STXBP5: variants seen among roughly 807,000 people sequenced by gnomAD.
STXBP5 encodes syntaxin binding protein 5.
In STXBP5, 50 loss-of-function variants were observed where a neutral mutation model predicts 152.4. That is an observed-to-expected ratio of 0.33 (90% CI 0.26 to 0.42). STXBP5 has a LOEUF of 0.42. Among genes scored for constraint, STXBP5 ranks in the 10% least tolerant of loss-of-function variants. The pLI, the probability that STXBP5 is intolerant of heterozygous loss-of-function variation, is 1.00. For synonymous variants in STXBP5, 492 were observed against 494.7 expected (o/e 0.99, Z 0.07); for missense variants, 1,167 against 1,388.6 (o/e 0.84, Z 2.54).
chr6:147,372,406 CCTTTTTTTTTTTTTTTTTTTTTTTTTT>C lies in STXBP5; in HGVS notation c.3082-1324_3082-1298del, dbSNP rs1785591926. On this transcript the variant is annotated intron_variant, in intron 25 of 27. Transcript: ENST00000321680. Reference sequence around the variant, plus strand: ...ATATAAATGTTACTACCGTCCTTTTCCTTTTTTTTTTTTTTTTTTTTTTTTTTTTTTTTTTTTTTTTTTTTTTTTTTT... The same window carrying C: ...ATATAAATGTTACTACCGTCCTTTTCTTTTTTTTTTTTTTTTTTTTTTTTT... Among the ~76,000 whole-genome samples, 351 of 39,098 alleles carry C rather than the reference CCTTTTTTTTTTTTTTTTTTTTTTTTTT, an allele frequency of 9.0e-3. 25 individuals carry two copies. Among genetic ancestry groups the C allele is most frequent in the Middle Eastern group, 0.068 (5 of 74 alleles). The allele number at this position is 39,098 out of a possible 152,430, so 25.6% of individuals were successfully genotyped here. A position where few individuals can be genotyped will look rare whatever the true frequency, so the allele number is the denominator to read the frequency against.
Position 147,364,065 on chromosome 6 carries a change from A to AACAATG in STXBP5, c.2980_2981insACAATG (p.Arg994delinsAsnAsnGly). The AACAATG allele has an allele frequency of 6.2e-7, 1 of 1,614,064 alleles. No homozygotes were observed. The highest frequency in any genetic ancestry group is 1.3e-5 in the African/African-American group (1 of 75,050). On this transcript the variant is annotated protein_altering_variant, in exon 25 of 28. Coordinates refer to ENST00000321680, the MANE Select transcript of STXBP5 (RefSeq NM_001127715.4). ...GCCCCTTACCAATATGCGGATAGCC[A>AACAATG]GAACGTTCTGCTTTACCAACAATGG...
At chr6:147,318,336 G>A (rs1473222672) in intron 16 of STXBP5, among the ~76,000 whole-genome samples, 1 of 151,974 alleles carries the variant, frequency 6.6e-6, no homozygotes, top group African/African-American at 2.4e-5. Context: ...TTCTTAGAAA[G>A]GCCTTTTTTT....
At chr6:147,258,140 T>A (rs1779465581) in intron 4 of STXBP5, among the ~76,000 whole-genome samples, 2 of 152,170 alleles carry the variant, frequency 1.3e-5, no homozygotes, top group Admixed American at 1.3e-4. Flanking sequence ...TGCTAATAAT[T>A]CATTGGCGCA....
chr6:147,357,885 T>A (rs1293064756), intron 22 of STXBP5, among the ~76,000 whole-genome samples: 2 of 151,996 alleles, frequency 1.3e-5, no homozygotes, highest in Non-Finnish European at 2.9e-5. Context: ...GAGACATAAC[T>A]GGAAAAAAGT....
intron 2 of STXBP5, among the ~76,000 whole-genome samples, chr6:147,208,307 A>T (rs532867381): frequency 6.6e-6 from 1 of 152,138 alleles, no homozygotes; most frequent in Non-Finnish European, 1.5e-5. Context: ...TAAGTAGCAG[A>T]TGAGCTTATG....
chr6:147,331,802 AG>A (rs1783581999), intron 18 of STXBP5, among the ~76,000 whole-genome samples: 2 of 122,070 alleles, frequency 1.6e-5, no homozygotes, highest in African/African-American at 5.7e-5. Flanking sequence ...CTTTTCTACC[AG>A]TTAAAAAAAA....
At chr6:147,223,663 G>A (rs971094911) in intron 2 of STXBP5, among the ~76,000 whole-genome samples, 10 of 152,124 alleles carry the variant, frequency 6.6e-5, no homozygotes, top group Admixed American at 2.0e-4. Flanking sequence ...TACAAACAAT[G>A]CCCAAACATG....
At chr6:147,347,653 G>A (rs1456469222) in intron 21 of STXBP5, among the ~76,000 whole-genome samples, 2 of 152,138 alleles carry the variant, frequency 1.3e-5, no homozygotes, top group African/African-American at 4.8e-5. Context: ...GTAGCTGAGA[G>A]CCAATATTTA....
intron 4 of STXBP5, among the ~76,000 whole-genome samples, chr6:147,242,613 ATACT>A (rs1778604728): frequency 1.3e-5 from 2 of 152,210 alleles, no homozygotes; most frequent in Admixed American, 1.3e-4. Context: ...AGATACACAG[ATACT>A]TAACCTTTGT....
intron 18 of STXBP5, among the ~76,000 whole-genome samples, chr6:147,330,595 A>C (rs1322661031): frequency 6.6e-6 from 1 of 152,200 alleles, no homozygotes; most frequent in East Asian, 1.9e-4. Context: ...TGCATATAGA[A>C]AATAGAAATG....
At chr6:147,295,336 C>G (rs1158528660) in intron 9 of STXBP5, among the ~76,000 whole-genome samples, 2 of 152,130 alleles carry the variant, frequency 1.3e-5, no homozygotes, top group Admixed American at 6.5e-5. Context: ...GATCACCATT[C>G]AAATAATTAC....
chr6:147,389,042 T>C lies in STXBP5; in HGVS notation c.*4287T>C, dbSNP rs1043899686. The C allele has an allele frequency of 6.6e-6, 1 of 151,610 alleles. No individual in the cohort carries two copies. 9.4% of individuals were successfully genotyped at this position (151,610 alleles called of 1,614,324 possible). ...CACTCCTATATCTTAAATGTCCTTC[T>C]TTTTTCTTTTCCCTTTTAGGGTATT... On this transcript the variant is annotated 3_prime_UTR_variant, in exon 28 of 28. Transcript: ENST00000321680.
intron 2 of STXBP5, among the ~76,000 whole-genome samples, chr6:147,226,197 G>A (rs1777701569): frequency 6.6e-6 from 1 of 151,956 alleles, no homozygotes; most frequent in Non-Finnish European, 1.5e-5. Context: ...CAGCTGCTCT[G>A]GAGGCTGAGA....
intron 2 of STXBP5, among the ~76,000 whole-genome samples, chr6:147,234,344 T>C (rs1778162945): frequency 6.6e-6 from 1 of 151,884 alleles, no homozygotes; most frequent in African/African-American, 2.4e-5. Flanking sequence ...TGGCACATAG[T>C]GAGTTCTACA....
intron 4 of STXBP5, among the ~76,000 whole-genome samples, chr6:147,254,016 G>T (rs1264219423): frequency 1.3e-5 from 2 of 152,130 alleles, no homozygotes; most frequent in Non-Finnish European, 2.9e-5. Flanking sequence ...AAAGTTGGAG[G>T]CATCACGCTA....
chr6:147,248,900 A>G (rs1235219247), intron 4 of STXBP5, among the ~76,000 whole-genome samples: 1 of 152,182 alleles, frequency 6.6e-6, no homozygotes, highest in Admixed American at 6.5e-5. Context: ...GAGTGTGAGA[A>G]GGATCCAGTG....
At chr6:147,383,561 C>A (rs1000763556) in intron 27 of STXBP5, among the ~76,000 whole-genome samples, 2 of 152,048 alleles carry the variant, frequency 1.3e-5, no homozygotes, top group Non-Finnish European at 2.9e-5. Flanking sequence ...TACACCACAT[C>A]GTGCTCTTAA....
Sources: gnomAD v4.1 joint callset for allele counts (sites outside exome capture counted in the v4.1 genomes callset) on GRCh38, gnomAD v4.1.1 for gene constraint, MANE v1.5 for transcripts, NCBI Gene and HGNC (gene_info 2026-07-23, HGNC 2026-07-21) for gene names.